Variants in CLEC17A observed in about 807,000 individuals in gnomAD.
The protein encoded by CLEC17A is C-type lectin domain containing 17A, also known as C-type lectin domain family 17, member A.
Under a neutral mutation model 61.3 loss-of-function variants are expected in CLEC17A, and 37 were observed. The ratio of observed to expected loss-of-function variants is 0.60; its 90% CI spans 0.46 to 0.79. CLEC17A has a LOEUF of 0.79. CLEC17A is among the 30% of genes least tolerant of loss of function. CLEC17A has a pLI of 0.00. For synonymous variants in CLEC17A, 168 were observed against 164.9 expected (o/e 1.02, Z -0.14); for missense variants, 418 against 464.7 (o/e 0.90, Z 0.92).
In CLEC17A at chr19:14,600,587, CT is replaced by C. The variant is rs561577759; in HGVS notation, c.894+417del. The stretch of plus-strand genomic sequence containing the variant: ...CGGAAGAGTTTATTTCTTTTCTTTT[CT>C]TTTTTTTTTTTGAGATGGAGTCTCG... On this transcript the variant is annotated intron_variant, in intron 12 of 13. Transcript: ENST00000417570. 1.8e-3 allele frequency among the ~76,000 whole-genome samples: 255 copies of C among 145,204 alleles called. 2 individuals are homozygous for C. The South Asian group carries it at 0.033, about 19-fold the overall frequency.
intron 13 of CLEC17A, among the ~76,000 whole-genome samples, chr19:14,607,496 C>T (rs1309541715): frequency 6.6e-6 from 1 of 151,502 alleles, no homozygotes; most frequent in Non-Finnish European, 1.5e-5. Context: ...AGCCACCGCG[C>T]CCGGCCAGGA....
At chr19:14,591,807 C>T (rs13345342) in intron 3 of CLEC17A, among the ~76,000 whole-genome samples, 36,043 of 151,818 alleles carry the variant, frequency 0.24, 7,923 homozygotes, top group African/African-American at 0.59. Flanking sequence ...ACCTGCCAGC[C>T]TCAGCCTCCC....
intron 2 of CLEC17A, among the ~76,000 whole-genome samples, chr19:14,587,263 T>TGTGTGTGTGTGTGTGTGTG (rs71733825): frequency 2.0e-4 from 28 of 136,642 alleles, no homozygotes; most frequent in African/African-American, 7.2e-4. Context: ...GTGTGTGTGT[T>TGTGTGTGTGTGTGTGTGTG]TGTGTTTGTG....
intron 11 of CLEC17A, 93 bp downstream of exon 11, chr19:14,599,905 A>G: frequency 6.8e-7 from 1 of 1,481,370 alleles, no homozygotes; most frequent in Non-Finnish European, 9.2e-7. Context: ...AGTGCAGTCT[A>G]TGTGAATGGT....
In CLEC17A at chr19:14,611,456, C is replaced by A. The variant is rs550176345; in HGVS notation, c.*1260C>A. Among the ~76,000 whole-genome samples, 2 of 147,286 alleles carry A rather than the reference C, an allele frequency of 1.4e-5. No homozygotes were observed. The highest frequency in any genetic ancestry group is 4.3e-4 in the South Asian group (2 of 4,674). On this transcript the variant is annotated 3_prime_UTR_variant, in exon 14 of 14. Coordinates refer to ENST00000417570, the MANE Select transcript of CLEC17A (RefSeq NM_001204118.2). ...GCAGTGGCACAATCATAGCTTACTGCACCCTCTGCCTCCTGGGCTCGAGTG... is the reference window on the plus strand; with the variant it reads ...GCAGTGGCACAATCATAGCTTACTGAACCCTCTGCCTCCTGGGCTCGAGTG...
chr19:14,590,498 C>T (rs891939596), intron 3 of CLEC17A, among the ~76,000 whole-genome samples: 2 of 151,728 alleles, frequency 1.3e-5, no homozygotes, highest in East Asian at 1.9e-4. Flanking sequence ...AAGTGATTCT[C>T]CTGACTCAGT....
chr19:14,608,114 C>T (rs1391711708), intron 13 of CLEC17A, among the ~76,000 whole-genome samples: 1 of 151,760 alleles, frequency 6.6e-6, no homozygotes, highest in Non-Finnish European at 1.5e-5. Flanking sequence ...TCAAGCGATC[C>T]ACCCGCCTTA....
chr19:14,611,458 C>T lies in CLEC17A; in HGVS notation c.*1262C>T, dbSNP rs901193981. On this transcript the variant is annotated 3_prime_UTR_variant, in exon 14 of 14. Transcript: ENST00000417570. ...AGTGGCACAATCATAGCTTACTGCACCCTCTGCCTCCTGGGCTCGAGTGAT... is the reference window on the plus strand; with the variant it reads ...AGTGGCACAATCATAGCTTACTGCATCCTCTGCCTCCTGGGCTCGAGTGAT... 2.7e-5 allele frequency among the ~76,000 whole-genome samples: 4 copies of T among 149,786 alleles called. No individual in the cohort carries two copies. Among genetic ancestry groups the T allele is most frequent in the Non-Finnish European group, 5.9e-5 (4 of 67,516 alleles).
At chr19:14,593,365 G>A (rs1205090393) in intron 4 of CLEC17A, among the ~76,000 whole-genome samples, 1 of 150,888 alleles carries the variant, frequency 6.6e-6, no homozygotes, top group African/African-American at 2.5e-5. Context: ...GGGAAGTTTG[G>A]GCCAGGCGTG....
chr19:14,597,246 C>A, intron 10 of CLEC17A, 85 bp downstream of exon 10: 1 of 1,260,226 alleles, frequency 7.9e-7, no homozygotes, highest in Non-Finnish European at 1.1e-6. Context: ...CCAACCTCAT[C>A]CCCATCTTTG....
In CLEC17A at chr19:14,594,782, T is replaced by C. The variant is rs747589482; in HGVS notation, c.385T>C (p.Cys129Arg). 1.9e-6 allele frequency: 3 copies of C among 1,613,910 alleles called. No homozygotes were observed. Among genetic ancestry groups the C allele is most frequent in the South Asian group, 1.1e-5 (1 of 91,068 alleles). ...AGGCCTGGACCTCGCCGCTGTCACC[T>C]GTCCACCTCCTCAACTGGGTGAGCA... The part of the protein sequence containing the change: ...MTGLDLAAVT[C>R]PPPQLAVNLE... Residue 129 changes from cysteine to arginine, a missense_variant, in exon 7 of 14, where the codon TGT (cysteine) becomes CGT (arginine). Physicochemically the swap from Cys to Arg is radical, Grantham distance 180. Transcript: ENST00000417570.
intron 10 of CLEC17A, 121 bp from the exon 11 acceptor site, chr19:14,599,596 T>C (rs2074651339): frequency 4.0e-6 from 3 of 755,286 alleles, no homozygotes; most frequent in African/African-American, 3.4e-5. Flanking sequence ...CGTGACCCAC[T>C]GGAATGTGGA....
chr19:14,587,263 T>TGTGTGTGTGTGTGTGTG lies in CLEC17A; in HGVS notation c.122-351_122-350insGTGTGTGTGTGTGTGTG, dbSNP rs71733825. Reference sequence around the variant, plus strand: ...TGTGTGTGTGTGTGTGTGTGTGTGTTTGTGTTTGTGTGAGGTCTGGGGGCT... The same window carrying TGTGTGTGTGTGTGTGTG: ...TGTGTGTGTGTGTGTGTGTGTGTGTTGTGTGTGTGTGTGTGTGTGTGTTTGTGTGAGGTCTGGGGGCT... On this transcript the variant is annotated intron_variant, in intron 2 of 13. Coordinates refer to ENST00000417570, the MANE Select transcript of CLEC17A (RefSeq NM_001204118.2). Among the ~76,000 whole-genome samples, 603 of 136,568 alleles carry TGTGTGTGTGTGTGTGTG rather than the reference T, an allele frequency of 4.4e-3. 7 individuals are homozygous for TGTGTGTGTGTGTGTGTG. Among genetic ancestry groups the TGTGTGTGTGTGTGTGTG allele is most frequent in the African/African-American group, 0.016 (565 of 34,564 alleles). The allele number at this position is 136,568 out of a possible 152,430, so 89.6% of individuals were successfully genotyped here.
Position 14,599,558 on chromosome 19 carries a change from C to T in CLEC17A, c.647-159C>T, listed in dbSNP as rs539371874. On this transcript the variant is annotated intron_variant, in intron 10 of 13. Transcript: ENST00000417570. Reference sequence around the variant, plus strand: ...CTCTGAGCCATTCTCGGATTCTGAGCACTGTACATGTGGTTTTTGAGCGCA... The same window carrying T: ...CTCTGAGCCATTCTCGGATTCTGAGTACTGTACATGTGGTTTTTGAGCGCA... The T allele has an allele frequency of 2.3e-4, 165 of 702,394 alleles. 3 individuals are homozygous for T. In the South Asian group the frequency reaches 2.4e-3, roughly 10 times the overall value. The allele number at this position is 702,394 out of a possible 1,614,324, so 43.5% of individuals were successfully genotyped here.
At position 14,611,626 on chromosome 19, in the gene CLEC17A, T is replaced by C; in HGVS notation, c.*1430T>C. 6.6e-6 allele frequency among the ~76,000 whole-genome samples: 1 copy of C among 152,088 alleles called. No homozygotes were observed. ...GGCCAGGCAGGCCATAACCTGGTCATATCCACACAGGACAACGATGGACCT... is the reference window on the plus strand; with the variant it reads ...GGCCAGGCAGGCCATAACCTGGTCACATCCACACAGGACAACGATGGACCT... On this transcript the variant is annotated 3_prime_UTR_variant, in exon 14 of 14. Transcript: ENST00000417570.
At chr19:14,594,218 A>G (rs888379078) in intron 4 of CLEC17A, among the ~76,000 whole-genome samples, 1 of 152,128 alleles carries the variant, frequency 6.6e-6, no homozygotes, top group Non-Finnish European at 1.5e-5. Context: ...CGGAGGTTTC[A>G]GTGAGATGAG....
chr19:14,600,220 G>T, intron 12 of CLEC17A, 38 bp downstream of exon 12: 7 of 1,605,988 alleles, frequency 4.4e-6, no homozygotes, highest in Non-Finnish European at 6.0e-6. Context: ...AACCTTCAGG[G>T]ACAGCCTGCT....
At chr19:14,589,136 C>G (rs1169550496) in intron 3 of CLEC17A, among the ~76,000 whole-genome samples, 1 of 150,852 alleles carries the variant, frequency 6.6e-6, no homozygotes, top group African/African-American at 2.5e-5. Context: ...ACTCCTTCCC[C>G]CTTCCCAAAC....
Position 14,600,150 on chromosome 19 carries a change from C to G in CLEC17A, c.862C>G (p.His288Asp). 1 of 1,614,052 alleles carries G rather than the reference C, an allele frequency of 6.2e-7. No individual in the cohort carries two copies. The highest frequency in any genetic ancestry group is 1.3e-5 in the African/African-American group (1 of 75,070). ...GATGTTCTGCCAGGAGAATTACTCT[C>G]ACTTGGTCATCATCAATAGCTTTGC... ...ARMFCQENYS[H>D]LVIINSFAEH... Residue 288 changes from histidine (H) to aspartate (D), a missense_variant, in exon 12 of 14, where the codon CAC becomes GAC. Physicochemically the swap from His to Asp is moderately conservative, Grantham distance 81. Transcript: ENST00000417570.
Sources: gnomAD v4.1 joint callset for allele counts (sites outside exome capture counted in the v4.1 genomes callset) on GRCh38, gnomAD v4.1.1 for gene constraint, MANE v1.5 for transcripts, NCBI Gene and HGNC (gene_info 2026-07-23, HGNC 2026-07-21) for gene names.